CYP2C8: variants seen among roughly 807,000 people sequenced by gnomAD.
CYP2C8 encodes cytochrome P450 family 2 subfamily C member 8, also known as cytochrome P450 2C8.
Under a neutral mutation model 41.3 loss-of-function variants are expected in CYP2C8, and 51 were observed. The observed-to-expected ratio is 1.24, with a 90% CI of 0.99 to 1.56. The LOEUF (loss-of-function observed/expected upper bound fraction) is 1.56, where lower values mean the gene tolerates loss of function less well. Among genes scored for constraint, CYP2C8 ranks in the 40% most tolerant of loss-of-function variants. The probability of loss-of-function intolerance (pLI) is 0.00; values close to 1 mark genes in which losing one functional copy is unlikely to be tolerated. For missense variants in CYP2C8, 651 were observed against 579.9 expected (o/e 1.12, Z -1.26); for synonymous variants, 218 against 205.8 (o/e 1.06, Z -0.51).
chr10:95,066,149 AGAGAGTGT>A (rs1368558691), intron 3 of CYP2C8, among the ~76,000 whole-genome samples: 45 of 116,426 alleles, frequency 3.9e-4, no homozygotes, highest in African/African-American at 9.4e-4. Context: ...AGAGAGAGAG[AGAGAGTGT>A]GTGTGTGTGT....
In CYP2C8 at chr10:95,045,899, A is replaced by G. The variant is rs1200050285; in HGVS notation, c.872T>C (p.Val291Ala). ...TGTTCCAGCAACAAATAGATCAGCTACAGTGCCAACCAAGTTTTCAATATT... is the reference window on the plus strand; with the variant it reads ...TGTTCCAGCAACAAATAGATCAGCTGCAGTGCCAACCAAGTTTTCAATATT... ...EFNIENLVGT[V>A]ADLFVAGTET... The change falls in exon 6 of 9, where the codon GTA becomes GCA. Residue 291 changes from valine (V) to alanine (A), a missense_variant. By Grantham distance (64) the Val-to-Ala change is moderately conservative. Transcript: ENST00000371270. 6.2e-7 allele frequency: 1 copy of G among 1,614,094 alleles called. No homozygotes were observed. Among genetic ancestry groups the G allele is most frequent in the Non-Finnish European group, 8.5e-7 (1 of 1,179,920 alleles).
Position 95,037,164 on chromosome 10 carries a change from C to G in CYP2C8, c.1437G>C (p.Leu479=). 6.2e-7 allele frequency: 1 copy of G among 1,613,896 alleles called. No individual in the cohort carries two copies. The highest frequency in any genetic ancestry group is 8.5e-7 in the Non-Finnish European group (1 of 1,179,870). ...TTAVTKGIVS[L]PPSYQICFIP... ...TGAAGCAGATCTGGTATGAGGGTGG[C>G]AGAGAAACAATCCCTTTGGTAACTG... The change falls in exon 9 of 9, where the codon CTG becomes CTC. Residue 479 remains leucine (L), a synonymous_variant. Transcript: ENST00000371270.
rs1564734512 is a variant in CYP2C8 at position 95,043,089 on chromosome 10, CAAGA to C, written c.962-16_962-13del. 6.2e-7 allele frequency: 1 copy of C among 1,613,596 alleles called. No individual in the cohort carries two copies. The highest frequency in any genetic ancestry group is 8.5e-7 in the Non-Finnish European group (1 of 1,179,630). On this transcript the variant is annotated splice_polypyrimidine_tract_variant and intron_variant, in intron 6 of 8. Coordinates refer to ENST00000371270, the MANE Select transcript of CYP2C8 (RefSeq NM_000770.3). ...TTCCTGGACTTTAGCTGACAAGACACAAGAAAGAACTGATGGAAACGAAGATATA... is the reference window on the plus strand; with the variant it reads ...TTCCTGGACTTTAGCTGACAAGACACAAGAACTGATGGAAACGAAGATATA...
At chr10:95,050,886 C>G (rs2033202023) in intron 5 of CYP2C8, among the ~76,000 whole-genome samples, 1 of 152,010 alleles carries the variant, frequency 6.6e-6, no homozygotes, top group Non-Finnish European at 1.5e-5. Context: ...AAAAAAAACC[C>G]CAGACTACAA....
At chr10:95,038,710 C>T (rs1230180536) in intron 8 of CYP2C8, among the ~76,000 whole-genome samples, 187 bp downstream of exon 8, 1 of 152,154 alleles carries the variant, frequency 6.6e-6, no homozygotes, top group Non-Finnish European at 1.5e-5. Flanking sequence ...CTCCTGCAAG[C>T]CCCGCTATCT....
At chr10:95,045,979 A>G in intron 5 of CYP2C8, 28 bp from the exon 6 acceptor site, 1 of 1,613,054 alleles carries the variant, frequency 6.2e-7, no homozygotes, top group Non-Finnish European at 8.5e-7. Flanking sequence ...CAATTATCTG[A>G]CAAATTATGT....
intron 7 of CYP2C8, among the ~76,000 whole-genome samples, chr10:95,040,357 C>T (rs1452375674): frequency 1.3e-5 from 2 of 152,088 alleles, no homozygotes; most frequent in African/African-American, 4.8e-5. Context: ...AGGGAAAACC[C>T]CATCACATCT....
intron 7 of CYP2C8, among the ~76,000 whole-genome samples, chr10:95,041,777 G>T (rs529146963): frequency 8.7e-6 from 1 of 114,420 alleles, no homozygotes; most frequent in South Asian, 3.3e-4. Context: ...GACAGAGCGA[G>T]ACTCCGTCTC....
chr10:95,059,829 A>G (rs543450087), intron 4 of CYP2C8, among the ~76,000 whole-genome samples: 31 of 152,340 alleles, frequency 2.0e-4, no homozygotes, highest in Non-Finnish European at 2.9e-5. Flanking sequence ...TATAAGGTGT[A>G]AGGAAGGGAT....
intron 7 of CYP2C8, among the ~76,000 whole-genome samples, chr10:95,041,605 C>T (rs2032997095): frequency 6.6e-6 from 1 of 150,502 alleles, no homozygotes; most frequent in Admixed American, 6.6e-5. Flanking sequence ...CAAGGTGAAA[C>T]CCCGTCTCTA....
intron 4 of CYP2C8, among the ~76,000 whole-genome samples, chr10:95,062,300 C>T (rs571071870): frequency 6.6e-6 from 1 of 152,234 alleles, no homozygotes; most frequent in South Asian, 2.1e-4. Context: ...TCTCTAAGGA[C>T]TTGCTTGATG....
chr10:95,063,372 G>A (rs188648228), intron 4 of CYP2C8, among the ~76,000 whole-genome samples: 25 of 152,004 alleles, frequency 1.6e-4, no homozygotes, highest in East Asian at 9.7e-4. Context: ...TTCTCTTCTC[G>A]CTTCATTTCA....
chr10:95,069,184 T>G, intron 1 of CYP2C8, 51 bp downstream of exon 1: 1 of 1,604,178 alleles, frequency 6.2e-7, no homozygotes, highest in Non-Finnish European at 8.5e-7. Flanking sequence ...AAAATAGCAG[T>G]CAAATAACTT....
intron 4 of CYP2C8, among the ~76,000 whole-genome samples, chr10:95,064,383 G>T (rs1424058877): frequency 3.3e-5 from 5 of 152,154 alleles, no homozygotes; most frequent in Non-Finnish European, 7.3e-5. Context: ...TCAGACTGCT[G>T]TGCTGGCAAT....
At chr10:95,064,480 G>A (rs552337081) in intron 4 of CYP2C8, among the ~76,000 whole-genome samples, 105 of 152,256 alleles carry the variant, frequency 6.9e-4, no homozygotes, top group Non-Finnish European at 1.2e-3. Flanking sequence ...CACTAGAAAA[G>A]CACAGTATTA....
chr10:95,065,032 T>G, intron 3 of CYP2C8, 72 bp from the exon 4 acceptor site: 1 of 1,263,556 alleles, frequency 7.9e-7, no homozygotes, highest in Admixed American at 3.4e-5. Flanking sequence ...TGTTAAGACA[T>G]AAAGGAAATT....
At chr10:95,056,522 A>C (rs1478949421) in intron 5 of CYP2C8, among the ~76,000 whole-genome samples, 1 of 152,236 alleles carries the variant, frequency 6.6e-6, no homozygotes, top group Non-Finnish European at 1.5e-5. Context: ...ATGAATGATA[A>C]GCAAATTGTC....
In CYP2C8 at chr10:95,067,271, T is replaced by C; in HGVS notation, c.418A>G (p.Ser140Gly). Residue 140 changes from serine to glycine, a missense_variant, in exon 3 of 9, where the codon AGC becomes GGC. Physicochemically the swap from Ser to Gly is moderately conservative, Grantham distance 56 (BLOSUM62 0). Transcript: ENST00000371270. ...TLRNFGMGKR[S>G]IEDRVQEEAH... ...TCCTCTTGAACACGGTCCTCAATGC[T>C]CCTCTTCCCCATCCCAAAATTCCGC... 6.2e-7 allele frequency: 1 copy of C among 1,614,094 alleles called. No homozygotes were observed.
chr10:95,061,706 T>G (rs1253222546), intron 4 of CYP2C8, among the ~76,000 whole-genome samples: 2 of 152,210 alleles, frequency 1.3e-5, no homozygotes, highest in Non-Finnish European at 2.9e-5. Flanking sequence ...TGTTCTTGCT[T>G]CTCTAGTTCT....
Sources: allele counts gnomAD v4.1 joint callset (sites outside exome capture counted in the v4.1 genomes callset), GRCh38; gene constraint gnomAD v4.1.1; transcripts MANE v1.5; gene names NCBI Gene and HGNC (gene_info 2026-07-23, HGNC 2026-07-21).